Variants in DGKI observed in about 807,000 individuals in gnomAD.
DGKI encodes DAG kinase iota.
Under a neutral mutation model 147.5 loss-of-function variants are expected in DGKI, and 55 were observed. That is an observed-to-expected ratio of 0.37 (90% CI 0.30 to 0.47). The LOEUF is 0.47. Ranked by LOEUF, DGKI falls within the 20% of genes least tolerant of loss-of-function variation. The pLI is 1.00. For missense variants in DGKI, 1,007 were observed against 1,323.8 expected (o/e 0.76, Z 3.71); for synonymous variants, 469 against 477.1 (o/e 0.98, Z 0.22).
intron 1 of DGKI, among the ~76,000 whole-genome samples, chr7:137,838,105 C>A (rs750138530): frequency 7.1e-4 from 107 of 150,040 alleles, no homozygotes; most frequent in Non-Finnish European, 1.2e-3. Flanking sequence ...CGGGTTCAAG[C>A]AATTCCCCTG....
At chr7:137,556,260 A>T (rs1818220114) in intron 19 of DGKI, among the ~76,000 whole-genome samples, 1 of 152,098 alleles carries the variant, frequency 6.6e-6, no homozygotes, top group African/African-American at 2.4e-5. Context: ...CTAGAAAAAA[A>T]TATTATTCAC....
intron 21 of DGKI, among the ~76,000 whole-genome samples, chr7:137,505,661 A>G (rs1222947829): frequency 6.6e-6 from 1 of 150,796 alleles, no homozygotes; most frequent in Non-Finnish European, 1.5e-5. Flanking sequence ...ATGTTCTGTA[A>G]CTCTGCAATC....
At chr7:137,736,094 T>C (rs7779850) in intron 1 of DGKI, among the ~76,000 whole-genome samples, 34,648 of 152,034 alleles carry the variant, frequency 0.23, 7,377 homozygotes, top group African/African-American at 0.56. Flanking sequence ...GTTTAATTTT[T>C]CACATAGCTC....
In DGKI at chr7:137,466,919, G is replaced by C; in HGVS notation, c.2467C>G (p.Arg823Gly). ...AAACTTACCTGAGATCTGTCTATTC[G>C]ATAAAAGCGATCAGCAGAAGTTGCT... Reference protein sequence around the residue: ...LDATSADRFYRIDRSQEHLHF... With the variant: ...LDATSADRFYGIDRSQEHLHF... The change falls in exon 25 of 33, where the codon CGA (arginine) becomes GGA (glycine). Residue 823 changes from arginine to glycine, a missense_variant. Around this residue, in one of 5 missense-constraint regions of DGKI, gnomAD observed 385 missense variants for 445.2 expected, o/e 0.86. Transcript: ENST00000614521. The C allele has an allele frequency of 6.2e-7, 1 of 1,614,026 alleles. No homozygotes were observed. The highest frequency in any genetic ancestry group is 8.5e-7 in the Non-Finnish European group (1 of 1,180,006).
intron 1 of DGKI, among the ~76,000 whole-genome samples, chr7:137,787,338 T>C (rs193273499): frequency 1.1e-3 from 162 of 152,166 alleles, no homozygotes; most frequent in Non-Finnish European, 1.3e-4. Context: ...AGAAAAGATA[T>C]ACAAATGACC....
chr7:137,672,771 T>A (rs951395930), intron 3 of DGKI, among the ~76,000 whole-genome samples: 1 of 57,926 alleles, frequency 1.7e-5, no homozygotes, highest in Non-Finnish European at 3.3e-5. Context: ...TGTGTCTTTT[T>A]TTTTTTTTTT....
At chr7:137,690,162 G>C (rs896171672) in intron 1 of DGKI, among the ~76,000 whole-genome samples, 160 bp from the exon 2 acceptor site, 9 of 152,162 alleles carry the variant, frequency 5.9e-5, no homozygotes, top group Admixed American at 2.0e-4. Flanking sequence ...TCTCTAAAGT[G>C]CATGGTGTCC....
At position 137,675,874 on chromosome 7, in the gene DGKI, G is replaced by A. The variant is rs371665479; in HGVS notation, c.606+2683C>T. 4.7e-4 allele frequency among the ~76,000 whole-genome samples: 71 copies of A among 152,226 alleles called. No individual in the cohort carries two copies. The East Asian group carries it at 0.01, about 22-fold the overall frequency. On this transcript the variant is annotated intron_variant, in intron 3 of 32. Coordinates refer to ENST00000614521, the MANE Select transcript of DGKI (RefSeq NM_001321708.2). The stretch of plus-strand genomic sequence containing the variant: ...ACTTTTCCATTTCTAACAACAGATA[G>A]CAAGTCACTTCTCTTTTCTTCAAAT...
At chr7:137,494,647 C>T (rs149523123) in intron 21 of DGKI, among the ~76,000 whole-genome samples, 163 of 152,198 alleles carry the variant, frequency 1.1e-3, no homozygotes, top group African/African-American at 3.6e-3. Context: ...CCACCAGACC[C>T]GCCTTATAAG....
intron 1 of DGKI, among the ~76,000 whole-genome samples, chr7:137,759,343 TTTTC>T (rs990787964): frequency 6.6e-6 from 1 of 152,080 alleles, no homozygotes; most frequent in African/African-American, 2.4e-5. Flanking sequence ...TCTTTTTTTT[TTTTC>T]TTTATTTTTT....
chr7:137,805,218 T>C (rs1796383664), intron 1 of DGKI, among the ~76,000 whole-genome samples: 2 of 152,230 alleles, frequency 1.3e-5, no homozygotes, highest in African/African-American at 4.8e-5. Flanking sequence ...CCAGTAAATC[T>C]GTTTCTTTGT....
At chr7:137,794,459 C>T (rs1796963777) in intron 1 of DGKI, among the ~76,000 whole-genome samples, 1 of 152,174 alleles carries the variant, frequency 6.6e-6, no homozygotes, top group Non-Finnish European at 1.5e-5. Context: ...TGCAGGAATC[C>T]TCCCAGGACA....
Position 137,654,790 on chromosome 7 carries a change from T to C in DGKI, c.682-2A>G. 2 of 1,596,750 alleles carry C rather than the reference T, an allele frequency of 1.3e-6. No individual in the cohort carries two copies. The highest frequency in any genetic ancestry group is 1.7e-6 in the Non-Finnish European group (2 of 1,165,434). On this transcript the variant is annotated splice_acceptor_variant, in intron 4 of 32. Coordinates refer to ENST00000614521, the MANE Select transcript of DGKI (RefSeq NM_001321708.2). LOFTEE classifies it high-confidence loss of function. Reference sequence around the variant, plus strand: ...TGTTGGTTTACATCTGAAATTAATCTGTCATTCAAAAAGAAAAGTATATTA... The same window carrying C: ...TGTTGGTTTACATCTGAAATTAATCCGTCATTCAAAAAGAAAAGTATATTA...
intron 19 of DGKI, among the ~76,000 whole-genome samples, chr7:137,563,298 G>A (rs1426340978): frequency 6.6e-6 from 1 of 151,748 alleles, no homozygotes; most frequent in Non-Finnish European, 1.5e-5. Flanking sequence ...CTACAATTAA[G>A]CATATTTTAT....
rs563363435 is a variant in DGKI at position 137,507,768 on chromosome 7, G to A, written c.2248+14098C>T. ...TTTACAGAATTGGAGGAGGAGGGGA[G>A]TACATGAAAACATCCTACTGATGAT... On this transcript the variant is annotated intron_variant, in intron 21 of 32. Coordinates refer to ENST00000614521, the MANE Select transcript of DGKI (RefSeq NM_001321708.2). 2.4e-3 allele frequency among the ~76,000 whole-genome samples: 365 copies of A among 152,188 alleles called. 1 individual carries two copies. Among genetic ancestry groups the A allele is most frequent in the African/African-American group, 8.4e-3 (348 of 41,512 alleles).
chr7:137,801,754 G>A (rs532938293), intron 1 of DGKI, among the ~76,000 whole-genome samples: 1 of 152,256 alleles, frequency 6.6e-6, no homozygotes, highest in South Asian at 2.1e-4. Context: ...GCTGGGGAGA[G>A]AGGATTAGTA....
chr7:137,665,475 A>G (rs1048638871), intron 3 of DGKI, among the ~76,000 whole-genome samples: 2 of 152,200 alleles, frequency 1.3e-5, no homozygotes, highest in African/African-American at 4.8e-5. Flanking sequence ...CTCATGCTCT[A>G]TTATGGTTGG....
intron 28 of DGKI, among the ~76,000 whole-genome samples, chr7:137,426,269 C>T (rs915221840): frequency 3.4e-4 from 51 of 152,086 alleles, no homozygotes; most frequent in Admixed American, 1.4e-3. Context: ...ACAAGAATTT[C>T]CAACCCAGAA....
intron 1 of DGKI, among the ~76,000 whole-genome samples, chr7:137,831,823 T>A (rs1454171013): frequency 1.3e-5 from 2 of 152,242 alleles, no homozygotes; most frequent in Non-Finnish European, 2.9e-5. Context: ...CTTCTGCCTA[T>A]GAGCCTGTAA....
Sources: allele counts gnomAD v4.1 joint callset (sites outside exome capture counted in the v4.1 genomes callset), GRCh38; gene constraint gnomAD v4.1.1; regional missense constraint gnomAD v4.1.1; transcripts MANE v1.5; gene names NCBI Gene and HGNC (gene_info 2026-07-23, HGNC 2026-07-21).